Variants in ABHD6 observed in about 807,000 individuals in gnomAD.
ABHD6 encodes abhydrolase domain containing 6, acylglycerol lipase.
In ABHD6, 33 loss-of-function variants were observed where a neutral mutation model predicts 38.8. That is an observed-to-expected ratio of 0.85 (90% CI 0.64 to 1.14). The LOEUF is 1.14. Ranked by LOEUF, ABHD6 falls within the 50% of genes most tolerant of loss-of-function variation. ABHD6 has a pLI of 0.00. For synonymous variants in ABHD6, 147 were observed against 161.6 expected (o/e 0.91, Z 0.69); for missense variants, 380 against 422.6 (o/e 0.90, Z 0.88).
chr3:58,286,080 C>A (rs1242132434), intron 9 of ABHD6, among the ~76,000 whole-genome samples: 3 of 151,700 alleles, frequency 2.0e-5, no homozygotes, highest in Non-Finnish European at 2.9e-5. Flanking sequence ...AGTGCAGTGG[C>A]ACAATCTCGG....
chr3:58,276,597 G>A (rs1348295042), intron 7 of ABHD6, among the ~76,000 whole-genome samples: 3 of 152,136 alleles, frequency 2.0e-5, no homozygotes, highest in African/African-American at 7.2e-5. Context: ...TTCTTTTGCT[G>A]TGCAGAAGCT....
In ABHD6 at chr3:58,256,740, A is replaced by G. The variant is rs377213627; in HGVS notation, c.119+35A>G. The G allele has an allele frequency of 2.0e-5, 29 of 1,482,054 alleles. No homozygotes were observed. Among genetic ancestry groups the G allele is most frequent in the Non-Finnish European group, 2.4e-5 (26 of 1,065,396 alleles). 91.8% of individuals were successfully genotyped at this position (1,482,054 alleles called of 1,614,324 possible). A position where few individuals can be genotyped will look rare whatever the true frequency, so the allele number is the denominator to read the frequency against. On this transcript the variant is annotated intron_variant, in intron 3 of 9. Transcript: ENST00000478253. The surrounding 1 kb of genome is among the most constrained non-coding windows in gnomAD (Gnocchi z 4.3). ...TTTTATCATTGATGTTTTCAAGAGT[A>G]TCATAATATTGACATCTTCTCTGCT...
At chr3:58,286,870 G>GTA (rs1315175509) in intron 9 of ABHD6, among the ~76,000 whole-genome samples, 96 of 74,814 alleles carry the variant, frequency 1.3e-3, no homozygotes, top group East Asian at 0.011. Context: ...ATATATATAT[G>GTA]TATATGTATA....
chr3:58,251,351 GTAA>G lies in ABHD6; in HGVS notation c.-26+1410_-26+1412del, dbSNP rs998970576. Among the ~76,000 whole-genome samples, 6 of 151,838 alleles carry G rather than the reference GTAA, an allele frequency of 4.0e-5. No homozygotes were observed. The highest frequency in any genetic ancestry group is 6.6e-5 in the Admixed American group (1 of 15,218). On this transcript the variant is annotated intron_variant, in intron 2 of 9. Transcript: ENST00000478253. The surrounding 1 kb of genome is among the most constrained non-coding windows in gnomAD (Gnocchi z 5.4). ...AAGAAAGAAAAAAAGACAGAAATCA[GTAA>G]GTCAGGCGAAGCGAGGAGAGATGTG...
At chr3:58,274,506 G>A in intron 6 of ABHD6, 152 bp from the exon 7 acceptor site, 1 of 767,358 alleles carries the variant, frequency 1.3e-6, no homozygotes, top group Non-Finnish European at 2.0e-6. Flanking sequence ...TTTGATTTGA[G>A]CAAGGATGGC....
In ABHD6 at chr3:58,256,493, CCTTTA is replaced by C; in HGVS notation, c.-25-65_-25-61del. ...TCTGGGAACTTCACTTTTCTTGTCC[CCTTTA>C]CTTCTTCGCCTTTTTTCCTTTGATA... On this transcript the variant is annotated intron_variant, in intron 2 of 9. Transcript: ENST00000478253. The surrounding 1 kb of genome is among the most constrained non-coding windows in gnomAD (Gnocchi z 4.3). The C allele has an allele frequency of 1.1e-6, 1 of 915,806 alleles. No individual in the cohort carries two copies. The highest frequency in any genetic ancestry group is 1.6e-5 in the South Asian group (1 of 61,316). The allele number at this position is 915,806 out of a possible 1,614,324, so 56.7% of individuals were successfully genotyped here.
chr3:58,240,226 A>T (rs1183532268), intron 1 of ABHD6, among the ~76,000 whole-genome samples: 2 of 152,060 alleles, frequency 1.3e-5, no homozygotes, highest in African/African-American at 4.8e-5. Context: ...CAGCTTCACT[A>T]TGTCATATTC....
chr3:58,253,586 GT>G (rs1393350134), intron 2 of ABHD6, among the ~76,000 whole-genome samples: 1 of 152,206 alleles, frequency 6.6e-6, no homozygotes, highest in Non-Finnish European at 1.5e-5. Context: ...GGGAATGGTT[GT>G]TCCTAAAAGA....
At chr3:58,278,504 A>C (rs899167077) in intron 7 of ABHD6, among the ~76,000 whole-genome samples, 2 of 151,976 alleles carry the variant, frequency 1.3e-5, no homozygotes, top group African/African-American at 4.8e-5. Context: ...CTTCTTTATT[A>C]GTCTTGCCAG....
intron 5 of ABHD6, among the ~76,000 whole-genome samples, chr3:58,270,452 C>T (rs1489127765): frequency 6.9e-6 from 1 of 145,462 alleles, no homozygotes; most frequent in African/African-American, 2.6e-5. Context: ...CTCTCTGGAC[C>T]TTTATAGAAA....
rs775084094 is a variant in ABHD6, at chr3:58,267,150, T to C, written c.120-39T>C. 23 of 1,609,050 alleles carry C rather than the reference T, an allele frequency of 1.4e-5. No homozygotes were observed. The highest frequency in any genetic ancestry group is 1.8e-5 in the Non-Finnish European group (21 of 1,177,194). ...ATCTTGAAGCCACTCATCTAGAGCT[T>C]ACTGATTTCGTTTTGTCTTTATTTC... On this transcript the variant is annotated intron_variant, in intron 3 of 9. Transcript: ENST00000478253. This position sits in a 1 kb window ranked among gnomAD's most constrained non-coding sequence, Gnocchi z 4.3.
At chr3:58,289,974 G>A (rs2097460646) in intron 9 of ABHD6, among the ~76,000 whole-genome samples, 1 of 142,790 alleles carries the variant, frequency 7.0e-6, no homozygotes, top group Non-Finnish European at 1.5e-5. Context: ...CGGACGAGGC[G>A]GCTGGCCGGG....
intron 7 of ABHD6, among the ~76,000 whole-genome samples, chr3:58,276,077 C>T (rs1266868638): frequency 2.0e-5 from 3 of 152,078 alleles, no homozygotes; most frequent in Admixed American, 1.3e-4. Flanking sequence ...AATAAACATA[C>T]GTGTACATGT....
rs889814272 is a variant in ABHD6, at chr3:58,263,533, A to G, written c.120-3656A>G. Among the ~76,000 whole-genome samples the G allele has an allele frequency of 2.5e-4, 38 of 152,264 alleles. No individual in the cohort carries two copies. The highest frequency in any genetic ancestry group is 5.4e-4 in the Non-Finnish European group (37 of 68,052). On this transcript the variant is annotated intron_variant, in intron 3 of 9. Transcript: ENST00000478253. This position sits in a 1 kb window ranked among gnomAD's most constrained non-coding sequence, Gnocchi z 4.9. ...CTGTCTGATAATGAAGAAGCCCTTA[A>G]TTCCTGAATCCGGCAGTCTGGCCGC... is the stretch of plus-strand genomic sequence containing the variant.
At chr3:58,249,033 C>T (rs1022546142) in intron 1 of ABHD6, among the ~76,000 whole-genome samples, 2 of 152,100 alleles carry the variant, frequency 1.3e-5, no homozygotes, top group Non-Finnish European at 2.9e-5. Flanking sequence ...GCTCATTTTT[C>T]TATTAGGTTT....
intron 1 of ABHD6, among the ~76,000 whole-genome samples, chr3:58,240,528 A>G (rs1394710813): frequency 6.6e-6 from 1 of 152,178 alleles, no homozygotes; most frequent in Non-Finnish European, 1.5e-5. Flanking sequence ...GCAAGTTGAA[A>G]AAAAATTCTT....
At chr3:58,289,995 A>AC (rs1455124923) in intron 9 of ABHD6, among the ~76,000 whole-genome samples, 4 of 106,132 alleles carry the variant, frequency 3.8e-5, no homozygotes, top group South Asian at 3.4e-4. Flanking sequence ...CGGGGGGCTG[A>AC]CCCCCCCACC....
chr3:58,244,686 C>T (rs372103528), intron 1 of ABHD6, among the ~76,000 whole-genome samples: 1 of 151,796 alleles, frequency 6.6e-6, no homozygotes, highest in South Asian at 2.1e-4. Context: ...ATCACTTGGG[C>T]CCAGGAGGTC....
At chr3:58,245,653 C>T (rs1201816261) in intron 1 of ABHD6, among the ~76,000 whole-genome samples, 1 of 152,118 alleles carries the variant, frequency 6.6e-6, no homozygotes, top group Non-Finnish European at 1.5e-5. Flanking sequence ...ATGGTGCACA[C>T]CTGTAGTCCC....
Sources: allele counts gnomAD v4.1 joint callset (sites outside exome capture counted in the v4.1 genomes callset), GRCh38; gene constraint gnomAD v4.1.1; non-coding constraint Gnocchi (gnomAD v3.1); transcripts MANE v1.5; gene names NCBI Gene and HGNC (gene_info 2026-07-23, HGNC 2026-07-21).